SUGCT: variants seen among roughly 807,000 people sequenced by gnomAD.
The protein encoded by SUGCT is succinyl-CoA:glutarate CoA-transferase.
In SUGCT, 41 loss-of-function variants were observed where a neutral mutation model predicts 55.0. The ratio of observed to expected loss-of-function variants is 0.74; its 90% CI spans 0.58 to 0.97. The LOEUF (loss-of-function observed/expected upper bound fraction) is 0.97. Ranked by LOEUF, SUGCT falls within the 50% of genes least tolerant of loss-of-function variation. The pLI, the probability that SUGCT is intolerant of heterozygous loss-of-function variation, is 0.00. For synonymous variants in SUGCT, 187 were observed against 200.4 expected, an observed-to-expected ratio of 0.93 and a Z score of 0.56; for missense variants, 568 against 547.8, an observed-to-expected ratio of 1.04 and a Z score of -0.37.
At chr7:40,840,872 C>A (rs202095347) in intron 13 of SUGCT, among the ~76,000 whole-genome samples, 1 of 61,952 alleles carries the variant, frequency 1.6e-5, no homozygotes, top group Non-Finnish European at 3.1e-5. Flanking sequence ...TGCTAAGTCT[C>A]TTTAAAACAC....
In SUGCT at chr7:40,449,348, C is replaced by A; in HGVS notation, c.878C>A (p.Thr293Asn). ...VGAGNNQQFATVCKILDLPEL... is the reference protein window; with the variant it reads ...VGAGNNQQFANVCKILDLPEL... ...GCAGGAAATAACCAGCAGTTTGCCA[C>A]CGTCTGCAAGGTAATCTATAATTAT... is the stretch of plus-strand genomic sequence containing the variant. The change falls in exon 10 of 14, where the codon ACC (threonine) becomes AAC (asparagine). Residue 293 changes from threonine to asparagine, a missense_variant. Thr to Asn is a moderately conservative substitution (Grantham distance 65). Transcript: ENST00000335693. 6.2e-7 allele frequency: 1 copy of A among 1,610,444 alleles called. No individual in the cohort carries two copies. Among genetic ancestry groups the A allele is most frequent in the Non-Finnish European group, 8.5e-7 (1 of 1,177,288 alleles).
intron 8 of SUGCT, among the ~76,000 whole-genome samples, chr7:40,291,595 T>C (rs1793776580): frequency 6.6e-6 from 1 of 151,478 alleles, no homozygotes; most frequent in South Asian, 2.1e-4. Context: ...ACATGGCACA[T>C]GTATACATAT....
At chr7:40,253,390 A>T (rs1657861353) in intron 7 of SUGCT, among the ~76,000 whole-genome samples, 1 of 152,192 alleles carries the variant, frequency 6.6e-6, no homozygotes. Flanking sequence ...TCTTCATAAC[A>T]GTCATCTTCA....
chr7:40,461,474 T>G (rs2151450342), intron 11 of SUGCT, among the ~76,000 whole-genome samples: 1 of 152,286 alleles, frequency 6.6e-6, no homozygotes, highest in African/African-American at 2.4e-5. Context: ...TCTGAAATGC[T>G]TCTCAGAATT....
the SUGCT span, among the ~76,000 whole-genome samples, chr7:40,902,521 A>C: frequency 3.4e-5 from 5 of 146,060 alleles, no homozygotes; most frequent in Non-Finnish European, 7.4e-5. Context: ...CAGAGGTTGC[A>C]GTGAGCTGAG....
chr7:40,210,920 T>C (rs888016174), intron 6 of SUGCT, among the ~76,000 whole-genome samples: 1 of 152,050 alleles, frequency 6.6e-6, no homozygotes, highest in Non-Finnish European at 1.5e-5. Flanking sequence ...AAAGGTTGCT[T>C]TACGAGGAAG....
At position 40,474,456 on chromosome 7, in the gene SUGCT, C is replaced by A. The variant is rs575389986; in HGVS notation, c.986+15258C>A. Among the ~76,000 whole-genome samples, 38 of 152,270 alleles carry A rather than the reference C, an allele frequency of 2.5e-4. 2 individuals are homozygous for A. The South Asian group carries it at 7.9e-3, about 32-fold the overall frequency. On this transcript the variant is annotated intron_variant, in intron 11 of 13. Transcript: ENST00000335693. ...AGGGTGTGGATGTTAGGGCATTTAT[C>A]CCCCAACTACTATCCTCCAGTGTTT...
chr7:40,322,437 T>C (rs1279130066), intron 9 of SUGCT, among the ~76,000 whole-genome samples: 1 of 152,196 alleles, frequency 6.6e-6, no homozygotes, highest in Non-Finnish European at 1.5e-5. Context: ...GTGAATCCCT[T>C]CCCAAGGGGC....
intron 12 of SUGCT, among the ~76,000 whole-genome samples, chr7:40,717,274 T>TAGAA (rs1368461082): frequency 6.6e-6 from 1 of 151,906 alleles, no homozygotes; most frequent in African/African-American, 2.4e-5. Context: ...CGCGGACACA[T>TAGAA]AGAAGGGTGA....
intron 9 of SUGCT, among the ~76,000 whole-genome samples, chr7:40,338,528 A>G (rs114614007): frequency 0.019 from 2,876 of 152,282 alleles, 89 homozygotes; most frequent in African/African-American, 0.066. Context: ...CCTTTCTTCC[A>G]GTGGATCGAA....
chr7:40,723,549 A>C (rs185448832), intron 12 of SUGCT, among the ~76,000 whole-genome samples: 4 of 152,324 alleles, frequency 2.6e-5, no homozygotes, highest in Admixed American at 2.6e-4. Context: ...TTGAAGTCCC[A>C]GTTCTCTAAA....
intron 13 of SUGCT, among the ~76,000 whole-genome samples, chr7:40,772,743 A>G (rs1197807810): frequency 6.6e-6 from 1 of 151,842 alleles, no homozygotes; most frequent in Non-Finnish European, 1.5e-5. Context: ...GGATCCTCCC[A>G]CCTCAGCCCC....
intron 7 of SUGCT, among the ~76,000 whole-genome samples, chr7:40,244,423 G>A (rs573838423): frequency 3.0e-4 from 46 of 152,280 alleles, no homozygotes; most frequent in African/African-American, 1.0e-3. Flanking sequence ...TAAGGTTTCA[G>A]GACATAAGGG....
intron 7 of SUGCT, among the ~76,000 whole-genome samples, chr7:40,250,657 A>G (rs1043323483): frequency 2.6e-5 from 4 of 152,044 alleles, no homozygotes; most frequent in Non-Finnish European, 4.4e-5. Flanking sequence ...GCAAATAAGT[A>G]TACAATTTAA....
intron 12 of SUGCT, among the ~76,000 whole-genome samples, chr7:40,546,331 T>C (rs1038634867): frequency 2.6e-5 from 4 of 152,202 alleles, no homozygotes; most frequent in Non-Finnish European, 1.5e-5. Flanking sequence ...ATAAATTGGC[T>C]TTTTTCCTTA....
At chr7:40,199,792 CTT>C (rs35337810) in intron 6 of SUGCT, among the ~76,000 whole-genome samples, 129 of 138,704 alleles carry the variant, frequency 9.3e-4, no homozygotes, top group Admixed American at 1.2e-3. Context: ...AATGAAGTTT[CTT>C]TTTTTTTTTT....
At chr7:40,675,559 A>G (rs1384194522) in intron 12 of SUGCT, among the ~76,000 whole-genome samples, 1 of 152,222 alleles carries the variant, frequency 6.6e-6, no homozygotes, top group East Asian at 1.9e-4. Flanking sequence ...ACATCGTGCT[A>G]AAAGAAACGT....
the SUGCT span, among the ~76,000 whole-genome samples, chr7:40,937,974 C>T: frequency 6.6e-6 from 1 of 152,124 alleles, no homozygotes; most frequent in Non-Finnish European, 1.5e-5. Context: ...CTAGATCCCT[C>T]GCATGTGCAG....
chr7:40,503,966 A>G (rs902281676), intron 12 of SUGCT, among the ~76,000 whole-genome samples: 4 of 152,216 alleles, frequency 2.6e-5, no homozygotes, highest in Non-Finnish European at 5.9e-5. Flanking sequence ...TAAAATTTCC[A>G]AGAGAATAAT....
Sources: gnomAD v4.1 joint callset for allele counts (sites outside exome capture counted in the v4.1 genomes callset) on GRCh38, gnomAD v4.1.1 for gene constraint, MANE v1.5 for transcripts, NCBI Gene and HGNC (gene_info 2026-07-23, HGNC 2026-07-21) for gene names.